LRRC4C: variants seen among roughly 807,000 people sequenced by gnomAD.
LRRC4C encodes leucine-rich repeat-containing protein 4C.
LRRC4C carries 5 observed loss-of-function variants against 33.6 expected under a neutral mutation model. That is an observed-to-expected ratio of 0.15 (90% CI 0.08 to 0.31). LRRC4C has a LOEUF of 0.31. Ranked by LOEUF, LRRC4C falls within the 10% of genes least tolerant of loss-of-function variation. The pLI is 1.00. For synonymous variants in LRRC4C, 329 were observed against 302.0 expected (o/e 1.09, Z -0.93); for missense variants, 560 against 796.7 (o/e 0.70, Z 3.58).
intron 1 of LRRC4C, among the ~76,000 whole-genome samples, chr11:41,233,444 T>G (rs1565502476): frequency 6.6e-6 from 1 of 151,980 alleles, no homozygotes; most frequent in Non-Finnish European, 1.5e-5. Context: ...TGCAATAATA[T>G]GAAAAGCTAC....
chr11:40,438,190 A>C (rs1951225988), intron 3 of LRRC4C, among the ~76,000 whole-genome samples: 1 of 152,126 alleles, frequency 6.6e-6, no homozygotes. Flanking sequence ...GGGCCCTTGC[A>C]CTTTATGTTT....
intron 4 of LRRC4C, among the ~76,000 whole-genome samples, chr11:40,259,036 T>G (rs1250965370): frequency 6.6e-6 from 1 of 152,180 alleles, no homozygotes; most frequent in Admixed American, 6.6e-5. Context: ...TTTCATCTAA[T>G]TGTTATCCCT....
intron 1 of LRRC4C, among the ~76,000 whole-genome samples, chr11:41,153,618 A>AAATTAATT (rs1374465390): frequency 6.6e-6 from 1 of 152,184 alleles, no homozygotes; most frequent in Non-Finnish European, 1.5e-5. Flanking sequence ...CATCATCACC[A>AAATTAATT]AATTAATTTG....
intron 1 of LRRC4C, among the ~76,000 whole-genome samples, chr11:41,231,475 A>G (rs1260184769): frequency 3.3e-5 from 5 of 151,470 alleles, no homozygotes; most frequent in Admixed American, 6.6e-5. Context: ...AGGGACATGG[A>G]TGAAGCTGGA....
chr11:41,316,817 C>T (rs1252607211), intron 1 of LRRC4C, among the ~76,000 whole-genome samples: 10 of 152,168 alleles, frequency 6.6e-5, no homozygotes, highest in East Asian at 1.9e-4. Context: ...TCTTTTTCCC[C>T]GCATTCATTC....
chr11:40,719,672 T>A (rs566684057), intron 2 of LRRC4C, among the ~76,000 whole-genome samples: 1 of 152,334 alleles, frequency 6.6e-6, no homozygotes, highest in East Asian at 1.9e-4. Context: ...GTTTTAATAT[T>A]GCTCCCCATC....
intron 1 of LRRC4C, among the ~76,000 whole-genome samples, chr11:41,328,808 C>T (rs1951204115): frequency 6.6e-6 from 1 of 152,166 alleles, no homozygotes; most frequent in Admixed American, 6.6e-5. Context: ...CAGACTCAAG[C>T]CAGGCTCTCA....
intron 1 of LRRC4C, among the ~76,000 whole-genome samples, chr11:41,111,797 G>C (rs1234790783): frequency 6.6e-6 from 1 of 151,908 alleles, no homozygotes. Context: ...TCTGGTGGTG[G>C]TACCAACTAG....
chr11:40,260,750 G>A (rs1421704329), intron 4 of LRRC4C, among the ~76,000 whole-genome samples: 1 of 152,124 alleles, frequency 6.6e-6, no homozygotes, highest in African/African-American at 2.4e-5. Flanking sequence ...AGCAACCTTT[G>A]ACATTTGTTT....
At chr11:40,883,685 T>G (rs1955295912) in intron 2 of LRRC4C, among the ~76,000 whole-genome samples, 1 of 151,994 alleles carries the variant, frequency 6.6e-6, no homozygotes, top group Admixed American at 6.6e-5. Context: ...CATGCTTTTT[T>G]TCTTTCTTCC....
rs143889481 is a variant in LRRC4C, at chr11:40,636,816, T to C, written c.-270+11326A>G. On this transcript the variant is annotated intron_variant, in intron 3 of 6. Coordinates refer to ENST00000528697, the MANE Select transcript of LRRC4C (RefSeq NM_001258419.2). ...GTCATTTCTGGGAATCTCAGTCCCA[T>C]CTCACATTGCTTAGGAAATGTTCAC... is the stretch of plus-strand genomic sequence containing the variant. 4.3e-4 allele frequency among the ~76,000 whole-genome samples: 66 copies of C among 152,280 alleles called. No individual in the cohort carries two copies. In the East Asian group the frequency reaches 0.012, roughly 28 times the overall value.
At chr11:40,515,736 A>AAACTCGACG (rs1955534332) in intron 3 of LRRC4C, among the ~76,000 whole-genome samples, 1 of 152,110 alleles carries the variant, frequency 6.6e-6, no homozygotes, top group African/African-American at 2.4e-5. Flanking sequence ...ATTTCCAACA[A>AAACTCGACG]TTATTAAAAA....
intron 1 of LRRC4C, among the ~76,000 whole-genome samples, chr11:41,353,600 A>G (rs1952056801): frequency 6.6e-6 from 1 of 152,146 alleles, no homozygotes; most frequent in Non-Finnish European, 1.5e-5. Context: ...ATGTCTGATG[A>G]ACATAGATGC....
chr11:40,519,917 C>T (rs750984078), intron 3 of LRRC4C, among the ~76,000 whole-genome samples: 8 of 152,148 alleles, frequency 5.3e-5, no homozygotes, highest in Non-Finnish European at 1.2e-4. Context: ...CACTAAATGC[C>T]AGAATATCCA....
At chr11:40,455,262 C>T (rs574598567) in intron 3 of LRRC4C, among the ~76,000 whole-genome samples, 40 of 152,274 alleles carry the variant, frequency 2.6e-4, no homozygotes, top group African/African-American at 8.4e-4. Flanking sequence ...TGCCTTTGTA[C>T]AAAACGAGGT....
intron 3 of LRRC4C, among the ~76,000 whole-genome samples, chr11:40,572,292 A>C (rs1958013591): frequency 6.6e-6 from 1 of 152,186 alleles, no homozygotes; most frequent in African/African-American, 2.4e-5. Context: ...CCAGGTTTAG[A>C]TGCCATAATT....
chr11:40,989,012 G>T (rs982752367), intron 1 of LRRC4C, among the ~76,000 whole-genome samples: 1 of 151,990 alleles, frequency 6.6e-6, no homozygotes, highest in Non-Finnish European at 1.5e-5. Context: ...GAGCCACCGC[G>T]CCTGGCCTCA....
rs1343181967 is a variant in LRRC4C, at chr11:40,460,699, C to T, written c.-269-140978G>A. On this transcript the variant is annotated intron_variant, in intron 3 of 6. Transcript: ENST00000528697. ...ATAAAATAAAATATCCAGACTTTTCCAGCTATAGCTATGCACCAGACAAGA... is the reference window on the plus strand; with the variant it reads ...ATAAAATAAAATATCCAGACTTTTCTAGCTATAGCTATGCACCAGACAAGA... 5.3e-5 allele frequency among the ~76,000 whole-genome samples: 8 copies of T among 152,212 alleles called. No individual in the cohort carries two copies. In the East Asian group the frequency reaches 1.5e-3, roughly 29 times the overall value.
chr11:40,994,815 CTTTTTT>C (rs200568590), intron 1 of LRRC4C, among the ~76,000 whole-genome samples: 2 of 69,748 alleles, frequency 2.9e-5, no homozygotes, highest in African/African-American at 9.7e-5. Flanking sequence ...TCTATTTATA[CTTTTTT>C]TTTAACTACT....
Sources: gnomAD v4.1 joint callset for allele counts (sites outside exome capture counted in the v4.1 genomes callset) on GRCh38, gnomAD v4.1.1 for gene constraint, MANE v1.5 for transcripts, NCBI Gene and HGNC (gene_info 2026-07-23, HGNC 2026-07-21) for gene names.